FMN2: variants seen among roughly 807,000 people sequenced by gnomAD.
FMN2 encodes formin-2.
In FMN2, 51 loss-of-function variants were observed where a neutral mutation model predicts 142.3. The observed-to-expected ratio is 0.36, with a 90% CI of 0.29 to 0.45. The LOEUF (loss-of-function observed/expected upper bound fraction) is 0.45, where lower values mean the gene tolerates loss of function less well. FMN2 is among the 20% of genes least tolerant of loss of function. The probability of loss-of-function intolerance (pLI) is 1.00; values close to 1 mark genes in which losing one functional copy is unlikely to be tolerated. For missense variants in FMN2, 1,936 were observed against 2,122.8 expected (o/e 0.91, Z 1.73); for synonymous variants, 882 against 869.8 (o/e 1.01, Z -0.25).
chr1:240,448,622 C>G (rs1228434121), intron 16 of FMN2, among the ~76,000 whole-genome samples: 1 of 151,972 alleles, frequency 6.6e-6, no homozygotes, highest in Non-Finnish European at 1.5e-5. Context: ...TCAAGAACAA[C>G]CTGGGAAACA....
rs896625653 is a variant in FMN2, at chr1:240,286,629, T to A, written c.4154-8193T>A. 5.3e-5 allele frequency among the ~76,000 whole-genome samples: 8 copies of A among 152,312 alleles called. No individual in the cohort carries two copies. The South Asian group carries it at 1.5e-3, about 28-fold the overall frequency. Reference sequence around the variant, plus strand: ...TCCAGTCCTTATGGGTTTACTTTTTTAAATATGTTTTTACTATAGCTTTAG... The same window carrying A: ...TCCAGTCCTTATGGGTTTACTTTTTAAAATATGTTTTTACTATAGCTTTAG... On this transcript the variant is annotated intron_variant, in intron 7 of 17. Coordinates refer to ENST00000319653, the MANE Select transcript of FMN2 (RefSeq NM_020066.5).
At chr1:240,275,211 G>A (rs1037046318) in intron 7 of FMN2, among the ~76,000 whole-genome samples, 8 of 151,758 alleles carry the variant, frequency 5.3e-5, no homozygotes, top group African/African-American at 7.3e-5. Context: ...CCTACATTAG[G>A]TATTTCTCCT....
At chr1:240,276,013 T>C (rs1669195198) in intron 7 of FMN2, among the ~76,000 whole-genome samples, 1 of 152,174 alleles carries the variant, frequency 6.6e-6, no homozygotes, top group Non-Finnish European at 1.5e-5. Context: ...GAATCCAGCG[T>C]ATAAGAGGGA....
At chr1:240,269,693 A>G (rs1338487776) in intron 7 of FMN2, among the ~76,000 whole-genome samples, 4 of 151,828 alleles carry the variant, frequency 2.6e-5, no homozygotes, top group Non-Finnish European at 5.9e-5. Context: ...ATATCTTTCC[A>G]TTTATTTATG....
chr1:240,238,855 A>G (rs530065916), intron 6 of FMN2, among the ~76,000 whole-genome samples: 1 of 152,218 alleles, frequency 6.6e-6, no homozygotes, highest in East Asian at 1.9e-4. Flanking sequence ...ACTCAACAAC[A>G]ATATGGATTT....
chr1:240,183,542 T>C (rs1184055002), intron 3 of FMN2, among the ~76,000 whole-genome samples: 2 of 150,406 alleles, frequency 1.3e-5, no homozygotes, highest in African/African-American at 4.9e-5. Context: ...TGCATGTATG[T>C]GTATACATAC....
chr1:240,206,970 G>A lies in FMN2; in HGVS notation c.2158G>A (p.Asp720Asn), dbSNP rs757718908. The A allele has an allele frequency of 3.1e-6, 5 of 1,614,160 alleles. No homozygotes were observed. Among genetic ancestry groups the A allele is most frequent in the East Asian group, 4.5e-5 (2 of 44,874 alleles). The change falls in exon 5 of 18, where the codon GAT becomes AAT. Residue 720 changes from aspartate to asparagine, a missense_variant. This residue lies in a region of FMN2 where 478 missense variants were observed against 462.8 expected (regional missense o/e 1.03). Transcript: ENST00000319653. The part of the protein sequence containing the change: ...GLENGVTASG[D>N]VCLEALRLEE... ...TGAGAATGGAGTGACAGCCTCAGGC[G>A]ATGTCTGTCTCGAAGCTCTCAGGTT...
At chr1:240,324,877 A>C (rs748583814) in intron 8 of FMN2, among the ~76,000 whole-genome samples, 2 of 152,122 alleles carry the variant, frequency 1.3e-5, no homozygotes, top group Admixed American at 6.5e-5. Context: ...TATTCACTGC[A>C]TGTCTGTAAT....
intron 15 of FMN2, among the ~76,000 whole-genome samples, chr1:240,423,092 T>C (rs1572417): frequency 0.81 from 122,929 of 152,202 alleles, 49,786 homozygotes; most frequent in Middle Eastern, 0.87. Context: ...TCTGATTTTT[T>C]CATTGCCTGC....
chr1:240,387,381 C>G (rs1235487513), intron 14 of FMN2, among the ~76,000 whole-genome samples: 2 of 152,142 alleles, frequency 1.3e-5, no homozygotes, highest in Non-Finnish European at 2.9e-5. Context: ...TTTTAAAAAT[C>G]ATTCTTTTAG....
chr1:240,195,209 G>A (rs568211778), intron 4 of FMN2, among the ~76,000 whole-genome samples: 1 of 152,344 alleles, frequency 6.6e-6, no homozygotes, highest in South Asian at 2.1e-4. Flanking sequence ...CACGCTCCAA[G>A]TGGCAAGAAA....
In FMN2 at chr1:240,123,616, C is replaced by T. The variant is rs2061633; in HGVS notation, c.1782+271C>T. ...GAGTTCTCTAGCCTGCTTTAATCAA[C>T]GATGATTTTAAAAATTGATTTCTAA... On this transcript the variant is annotated intron_variant, in intron 2 of 17. Coordinates refer to ENST00000319653, the MANE Select transcript of FMN2 (RefSeq NM_020066.5). Among the ~76,000 whole-genome samples, 355 of 151,886 alleles carry T rather than the reference C, an allele frequency of 2.3e-3. 3 individuals carry two copies. The highest frequency in any genetic ancestry group is 0.017 in the East Asian group (88 of 5,170).
intron 6 of FMN2, among the ~76,000 whole-genome samples, chr1:240,254,419 C>T (rs557444568): frequency 4.6e-5 from 7 of 152,028 alleles, no homozygotes; most frequent in Middle Eastern, 3.4e-3. Context: ...ATTCCCAAGC[C>T]TCTGGGTGGT....
chr1:240,469,874 G>A (rs528075581), intron 16 of FMN2, among the ~76,000 whole-genome samples: 29 of 152,218 alleles, frequency 1.9e-4, no homozygotes, highest in African/African-American at 5.5e-4. Context: ...GCTGGACCTC[G>A]AGCTAATGCT....
At chr1:240,175,231 G>A (rs1158615887) in intron 2 of FMN2, among the ~76,000 whole-genome samples, 1 of 152,142 alleles carries the variant, frequency 6.6e-6, no homozygotes, top group Non-Finnish European at 1.5e-5. Flanking sequence ...GTTCATTCAT[G>A]GATGGTCACT....
chr1:240,150,732 C>A (rs2103271358), intron 2 of FMN2, among the ~76,000 whole-genome samples: 1 of 152,204 alleles, frequency 6.6e-6, no homozygotes. Context: ...CTTTAACACC[C>A]CTTGGAGGTT....
intron 5 of FMN2, among the ~76,000 whole-genome samples, 156 bp downstream of exon 5, chr1:240,208,888 A>G (rs1047592083): frequency 1.3e-5 from 2 of 152,212 alleles, no homozygotes; most frequent in African/African-American, 4.8e-5. Flanking sequence ...GCAGTTTGCT[A>G]TTTAAAGCTT....
At chr1:240,176,516 T>A (rs1664919706) in intron 2 of FMN2, among the ~76,000 whole-genome samples, 1 of 152,212 alleles carries the variant, frequency 6.6e-6, no homozygotes. Flanking sequence ...ACTCTCCGGC[T>A]GTCACACCTT....
intron 3 of FMN2, among the ~76,000 whole-genome samples, chr1:240,180,422 T>C (rs556909639): frequency 1.3e-5 from 2 of 152,242 alleles, no homozygotes; most frequent in African/African-American, 4.8e-5. Context: ...AGGTAACCTT[T>C]GCCTACAGTC....
Sources: gnomAD v4.1 joint callset for allele counts (sites outside exome capture counted in the v4.1 genomes callset) on GRCh38, gnomAD v4.1.1 for gene constraint, gnomAD v4.1.1 regional missense constraint, MANE v1.5 for transcripts, NCBI Gene and HGNC (gene_info 2026-07-23, HGNC 2026-07-21) for gene names.